The following UBA6 variants were observed in gnomAD, a reference collection of about 807,000 sequenced individuals.
UBA6 encodes the protein ubiquitin like modifier activating enzyme 6.
In UBA6, 87 loss-of-function variants were observed where a neutral mutation model predicts 148.3. The ratio of observed to expected loss-of-function variants is 0.59; its 90% CI spans 0.49 to 0.70. UBA6 has a LOEUF of 0.70. Among genes scored for constraint, UBA6 ranks in the 30% least tolerant of loss-of-function variants. UBA6 has a pLI of 0.00. For synonymous variants in UBA6, 376 were observed against 401.0 expected (o/e 0.94, Z 0.75); for missense variants, 1,186 against 1,241.2 (o/e 0.96, Z 0.67).
At chr4:67,668,782 C>T (rs1003615871) in intron 8 of UBA6, 108 bp from the exon 9 acceptor site, 117 of 1,050,790 alleles carry the variant, frequency 1.1e-4, no homozygotes, top group Non-Finnish European at 1.5e-4. Flanking sequence ...TTCTCAAAAC[C>T]GAAATTCTAA....
rs999862044 is a variant in UBA6, at chr4:67,612,736, G to T, written c.*6261C>A. On this transcript the variant is annotated 3_prime_UTR_variant, in exon 33 of 33. Coordinates refer to ENST00000322244, the MANE Select transcript of UBA6 (RefSeq NM_018227.6). ...ACTGTATTTTACACATAATCAACAG[G>T]AAATAATGTGGGCTAAGTAATTTGG... The T allele has an allele frequency of 6.6e-6, 1 of 152,140 alleles. No individual in the cohort carries two copies. The highest frequency in any genetic ancestry group is 2.4e-5 in the African/African-American group (1 of 41,436). 9.4% of individuals were successfully genotyped at this position (152,140 alleles called of 1,614,324 possible). A position where few individuals can be genotyped will look rare whatever the true frequency, so the allele number is the denominator to read the frequency against.
At chr4:67,657,021 G>A (rs959712830) in intron 13 of UBA6, among the ~76,000 whole-genome samples, 1 of 152,142 alleles carries the variant, frequency 6.6e-6, no homozygotes, top group East Asian at 1.9e-4. Context: ...ACTGCTCAAC[G>A]AAATAAAAGA....
intron 14 of UBA6, among the ~76,000 whole-genome samples, chr4:67,648,287 T>G (rs1729469078): frequency 1.3e-5 from 2 of 151,164 alleles, no homozygotes; most frequent in Non-Finnish European, 3.0e-5. Context: ...GCCAACATAA[T>G]GAAATCCCAT....
intron 2 of UBA6, among the ~76,000 whole-genome samples, chr4:67,685,631 T>C (rs994787703): frequency 6.6e-6 from 1 of 152,212 alleles, no homozygotes; most frequent in South Asian, 2.1e-4. Context: ...TAAACCCCGT[T>C]ACGTAGGACC....
At chr4:67,679,067 G>T (rs140391938) in intron 4 of UBA6, among the ~76,000 whole-genome samples, 238 of 152,118 alleles carry the variant, frequency 1.6e-3, no homozygotes, top group African/African-American at 5.3e-3. Context: ...GTATAATCAT[G>T]CAACTATTAA....
chr4:67,688,450 C>T (rs566117158), intron 2 of UBA6, among the ~76,000 whole-genome samples: 16 of 152,098 alleles, frequency 1.1e-4, no homozygotes, highest in African/African-American at 3.6e-4. Context: ...CTCAGAATAC[C>T]ATCAGAGGTA....
Position 67,696,783 on chromosome 4 carries a change from C to T in UBA6, c.72-76G>A, listed in dbSNP as rs1730850992. On this transcript the variant is annotated intron_variant, in intron 1 of 32. Coordinates refer to ENST00000322244, the MANE Select transcript of UBA6 (RefSeq NM_018227.6). ...TTGATTACTTGTGTGATCAGATTCA[C>T]CAGTTACTAAAGGTTTTCACAAACC... 1.9e-5 allele frequency: 23 copies of T among 1,189,328 alleles called. No homozygotes were observed. In the South Asian group the frequency reaches 3.2e-4, roughly 16 times the overall value. 73.7% of individuals were successfully genotyped at this position (1,189,328 alleles called of 1,614,324 possible).
chr4:67,684,856 A>C (rs1730520729), intron 2 of UBA6, among the ~76,000 whole-genome samples: 1 of 152,198 alleles, frequency 6.6e-6, no homozygotes. Flanking sequence ...TGTTGTTTTA[A>C]GTGTTTTACT....
Position 67,665,206 on chromosome 4 carries a change from G to T in UBA6, c.880C>A (p.Pro294Thr), listed in dbSNP as rs754173822. The T allele has an allele frequency of 1.8e-5, 29 of 1,588,148 alleles. No individual in the cohort carries two copies. The highest frequency in any genetic ancestry group is 2.4e-5 in the Non-Finnish European group (28 of 1,170,462). The change falls in exon 10 of 33, where the codon CCT becomes ACT. Residue 294 changes from proline (P) to threonine (T), a missense_variant. Physicochemically the swap from Pro to Thr is conservative, Grantham distance 38. Transcript: ENST00000322244. ...HGGIAVQVKT[P>T]KTVFFESLER... ...ATACTTACAAAAAAAACTGTTTTAG[G>T]AGTCTTAACTTGGACAGCTATGCCT...
intron 31 of UBA6, 88 bp from the exon 32 acceptor site, chr4:67,623,013 T>C (rs1242479158): frequency 1.5e-6 from 2 of 1,365,996 alleles, no homozygotes; most frequent in African/African-American, 2.9e-5. Flanking sequence ...CAATGTTTTA[T>C]GACCAGTAAA....
rs1730442462 is a variant in UBA6 at position 67,681,650 on chromosome 4, T to C, written c.230-59A>G. 3 of 1,168,830 alleles carry C rather than the reference T, an allele frequency of 2.6e-6. No homozygotes were observed. The Admixed American group carries it at 7.6e-5, about 29-fold the overall frequency. The allele number at this position is 1,168,830 out of a possible 1,614,324, so 72.4% of individuals were successfully genotyped here. A position where few individuals can be genotyped will look rare whatever the true frequency, so the allele number is the denominator to read the frequency against. ...ATTGGGAATACACACTAGATATGTCTTCACAGAGCTTAGTCACATATCTGA... is the reference window on the plus strand; with the variant it reads ...ATTGGGAATACACACTAGATATGTCCTCACAGAGCTTAGTCACATATCTGA... On this transcript the variant is annotated intron_variant, in intron 3 of 32. Coordinates refer to ENST00000322244, the MANE Select transcript of UBA6 (RefSeq NM_018227.6).
intron 26 of UBA6, among the ~76,000 whole-genome samples, 171 bp from the exon 27 acceptor site, chr4:67,629,313 A>T (rs1358745246): frequency 6.6e-6 from 1 of 151,838 alleles, no homozygotes; most frequent in Non-Finnish European, 1.5e-5. Flanking sequence ...ATATCCCCCC[A>T]TAAAGGTTAT....
rs748203446 is a variant in UBA6 at position 67,662,233 on chromosome 4, G to A, written c.1060C>T (p.Leu354=). Residue 354 remains leucine (L), a synonymous_variant, in exon 13 of 33, where the codon CTG becomes TTG. Transcript: ENST00000322244. ...CTTATAGATGTTGCTAGTTTCAACA[G>A]TTCTTCTGAATCTTGTTGGCATCTA... ...NVGCQQDSEE[L]LKLATSISET... 3 of 1,613,448 alleles carry A rather than the reference G, an allele frequency of 1.9e-6. No individual in the cohort carries two copies. The highest frequency in any genetic ancestry group is 1.7e-6 in the Non-Finnish European group (2 of 1,179,734).
intron 13 of UBA6, among the ~76,000 whole-genome samples, chr4:67,656,599 C>A (rs149486595): frequency 0.011 from 1,745 of 152,282 alleles, 41 homozygotes; most frequent in African/African-American, 0.04. Flanking sequence ...AAACTGGAAG[C>A]ATTCCCTTGG....
intron 20 of UBA6, 78 bp from the exon 21 acceptor site, chr4:67,634,596 T>C (rs1729091610): frequency 1.0e-6 from 1 of 995,464 alleles, no homozygotes; most frequent in Non-Finnish European, 1.4e-6. Context: ...AGTTTTGAGC[T>C]TTAAGCCTAT....
At position 67,670,541 on chromosome 4, in the gene UBA6, C is replaced by T. The variant is rs201345603; in HGVS notation, c.598G>A (p.Gly200Ser). 8.7e-6 allele frequency: 14 copies of T among 1,609,412 alleles called. No homozygotes were observed. Among genetic ancestry groups the T allele is most frequent in the African/African-American group, 4.0e-5 (3 of 74,764 alleles). Residue 200 changes from glycine (G) to serine (S), a missense_variant, in exon 8 of 33, where the codon GGT becomes AGT. Gly to Ser is a moderately conservative substitution (Grantham distance 56, BLOSUM62 0). Coordinates refer to ENST00000322244, the MANE Select transcript of UBA6 (RefSeq NM_018227.6). Reference sequence around the variant, plus strand: ...GTATCTAAAACTTCAAATTCATCACCGAAATCACAAAATAACCTTGACCAA... The same window carrying T: ...GTATCTAAAACTTCAAATTCATCACTGAAATCACAAAATAACCTTGACCAA... ...GIWSRLFCDFGDEFEVLDTTG... is the reference protein window; with the variant it reads ...GIWSRLFCDFSDEFEVLDTTG...
chr4:67,701,136 G>C lies in UBA6; in HGVS notation c.-17C>G, dbSNP rs1301721862. 6 of 1,610,742 alleles carry C rather than the reference G, an allele frequency of 3.7e-6. No homozygotes were observed. In the Admixed American group the frequency reaches 6.7e-5, roughly 18 times the overall value. On this transcript the variant is annotated 5_prime_UTR_variant, in exon 1 of 33. Transcript: ENST00000322244. Reference sequence around the variant, plus strand: ...TCCTTCCATTGCCGCCTGAGACACCGCCGCCGGCTACTGGAAGGTAGGAAG... The same window carrying C: ...TCCTTCCATTGCCGCCTGAGACACCCCCGCCGGCTACTGGAAGGTAGGAAG...
At chr4:67,699,529 A>G (rs1010338881) in intron 1 of UBA6, among the ~76,000 whole-genome samples, 1 of 145,044 alleles carries the variant, frequency 6.9e-6, no homozygotes, top group African/African-American at 2.5e-5. Flanking sequence ...CACCTACCTA[A>G]TAAAAAACAC....
chr4:67,696,303 A>G (rs2109962488), intron 2 of UBA6, among the ~76,000 whole-genome samples: 1 of 152,190 alleles, frequency 6.6e-6, no homozygotes, highest in Admixed American at 6.5e-5. Flanking sequence ...CCTAAACCTA[A>G]AACAACTGAG....
Sources: gnomAD v4.1 joint callset for allele counts (sites outside exome capture counted in the v4.1 genomes callset) on GRCh38, gnomAD v4.1.1 for gene constraint, MANE v1.5 for transcripts, NCBI Gene and HGNC (gene_info 2026-07-23, HGNC 2026-07-21) for gene names.